POFUT2: variants seen among roughly 807,000 people sequenced by gnomAD.
POFUT2 encodes protein O-fucosyltransferase 2, also known as GDP-fucose protein O-fucosyltransferase 2.
POFUT2 carries 30 observed loss-of-function variants against 55.0 expected under a neutral mutation model. That is an observed-to-expected ratio of 0.55 (90% confidence interval 0.41 to 0.74). POFUT2 has a LOEUF of 0.74. POFUT2 is among the 30% of genes least tolerant of loss of function. POFUT2 has a pLI of 0.00. For missense variants in POFUT2, 524 were observed against 562.6 expected (o/e 0.93, Z 0.69); for synonymous variants, 267 against 231.1 (o/e 1.16, Z -1.41).
At chr21:45,269,075 G>A (rs1267482862) in intron 7 of POFUT2, among the ~76,000 whole-genome samples, 1 of 138,046 alleles carries the variant, frequency 7.2e-6, no homozygotes, top group Admixed American at 6.8e-5. Flanking sequence ...CGCCCCGTCC[G>A]GGAGGTGAGG....
At chr21:45,279,368 C>A (rs1178509856) in intron 4 of POFUT2, among the ~76,000 whole-genome samples, 1 of 152,052 alleles carries the variant, frequency 6.6e-6, no homozygotes, top group Non-Finnish European at 1.5e-5. Flanking sequence ...GCACTCCAGC[C>A]TGGGCAACAG....
rs780104653 is a variant in POFUT2 at position 45,277,013 on chromosome 21, C to T, written c.831+4G>A. The T allele has an allele frequency of 6.2e-7, 1 of 1,613,758 alleles. No individual in the cohort carries two copies. Among genetic ancestry groups the T allele is most frequent in the Non-Finnish European group, 8.5e-7 (1 of 1,179,774 alleles). Reference sequence around the variant, plus strand: ...CTCTAATTAACAAAAGGGAGGGGGGCTACCTTCATCTTCATCCAGTCCTCC... The same window carrying T: ...CTCTAATTAACAAAAGGGAGGGGGGTTACCTTCATCTTCATCCAGTCCTCC... On this transcript the variant is annotated splice_donor_region_variant and intron_variant, in intron 6 of 8. Coordinates refer to ENST00000349485, the MANE Select transcript of POFUT2 (RefSeq NM_133635.6). The surrounding 1 kb of genome is among the most constrained non-coding windows in gnomAD (Gnocchi z 6.9).
rs967203570 is a variant in POFUT2 at position 45,267,253 on chromosome 21, G to A, written c.1136+337C>T. 1.3e-5 allele frequency: 19 copies of A among 1,433,308 alleles called. No individual in the cohort carries two copies. Among genetic ancestry groups the A allele is most frequent in the African/African-American group, 5.7e-5 (4 of 69,662 alleles). The allele number at this position is 1,433,308 out of a possible 1,614,324, so 88.8% of individuals were successfully genotyped here. On this transcript the variant is annotated intron_variant, in intron 8 of 8. Transcript: ENST00000349485. The surrounding 1 kb of genome is among the most constrained non-coding windows in gnomAD (Gnocchi z 4.4). ...AAGGACATGCCCAAGTCCAGGGCAC[G>A]GGCAACTCTCAGGGCAGGGGGCAGA... is the stretch of plus-strand genomic sequence containing the variant.
At chr21:45,287,658 C>CA in intron 1 of POFUT2, 83 bp downstream of exon 1, 2 of 1,092,604 alleles carry the variant, frequency 1.8e-6, no homozygotes, top group Non-Finnish European at 2.3e-6. Context: ...TCCCTGGCCC[C>CA]TGACCCCGCC....
At chr21:45,266,401 C>T (rs528557944) in intron 8 of POFUT2, 82 of 1,204,888 alleles carry the variant, frequency 6.8e-5, no homozygotes, top group Admixed American at 9.9e-5. Flanking sequence ...GAGCAGGCCG[C>T]GCCGGCCCGG....
rs1047987140 is a variant in POFUT2 at position 45,283,463 on chromosome 21, T to C, written c.447A>G (p.Glu149=). The C allele has an allele frequency of 6.2e-7, 1 of 1,613,802 alleles. No homozygotes were observed. The highest frequency in any genetic ancestry group is 1.3e-5 in the African/African-American group (1 of 74,880). ...CGTCCACCTTCTCTTCCCAGGTCCC[T>C]TCTTTCCACCCCTCTGCGTAACTTT... is the stretch of plus-strand genomic sequence containing the variant. ...VLQSYAEGWK[E]GTWEEKVDER... Residue 149 remains glutamate (E), a synonymous_variant, in exon 3 of 9, where the codon GAA becomes GAG. Transcript: ENST00000349485.
rs1237422646 is a variant in POFUT2, at chr21:45,277,163, C to A, written c.706-21G>T. ...CGGGTCTGTGGAAACGGCGACGGCT[C>A]GGCTGAGAACACGCCCGCCCGCCAC... On this transcript the variant is annotated intron_variant, in intron 5 of 8. Coordinates refer to ENST00000349485, the MANE Select transcript of POFUT2 (RefSeq NM_133635.6). The surrounding 1 kb of genome is among the most constrained non-coding windows in gnomAD (Gnocchi z 6.9). The A allele has an allele frequency of 6.2e-7, 1 of 1,608,522 alleles. No homozygotes were observed. The highest frequency in any genetic ancestry group is 1.7e-5 in the Admixed American group (1 of 59,906).
Position 45,269,829 on chromosome 21 carries a change from A to G in POFUT2, c.1012+10T>C, listed in dbSNP as rs552672044. On this transcript the variant is annotated intron_variant, in intron 7 of 8. Transcript: ENST00000349485. The stretch of plus-strand genomic sequence containing the variant: ...GAAAGGAAAGAAACGAAAGCATTGA[A>G]GCTCCATACCCTTTCTGACGGCATC... 4 of 1,589,336 alleles carry G rather than the reference A, an allele frequency of 2.5e-6. No individual in the cohort carries two copies. The highest frequency in any genetic ancestry group is 1.2e-5 in the South Asian group (1 of 85,612).
intron 2 of POFUT2, 109 bp from the exon 3 acceptor site, chr21:45,283,636 C>A (rs1192340070): frequency 6.2e-6 from 7 of 1,134,102 alleles, no homozygotes; most frequent in Non-Finnish European, 9.1e-6. Flanking sequence ...CCACCCTATT[C>A]CCAAAGGGAG....
rs113792475 is a variant in POFUT2, at chr21:45,284,158, C to T, written c.383-631G>A. 0.02 allele frequency among the ~76,000 whole-genome samples: 3,060 copies of T among 151,676 alleles called. 78 individuals carry two copies. The highest frequency in any genetic ancestry group is 0.07 in the African/African-American group (2,885 of 41,322). ...GTGAAGTTCTGGGGCAGGAACAAAG[C>T]GGGAGGGAGCACCGCGCAGGTGAAA... On this transcript the variant is annotated intron_variant, in intron 2 of 8. Coordinates refer to ENST00000349485, the MANE Select transcript of POFUT2 (RefSeq NM_133635.6). The surrounding 1 kb of genome is among the most constrained non-coding windows in gnomAD (Gnocchi z 5.8).
rs922938447 is a variant in POFUT2, at chr21:45,285,728, G to C, written c.332C>G (p.Pro111Arg). The change falls in exon 2 of 9, where the codon CCA (proline) becomes CGA (arginine). Residue 111 changes from proline (P) to arginine (R), a missense_variant. By Grantham distance (103) the Pro-to-Arg change is moderately radical (BLOSUM62 -2). Transcript: ENST00000349485. The surrounding 1 kb of genome is among the most constrained non-coding windows in gnomAD (Gnocchi z 4.9). ...RIPWSEFFDL[P>R]SLNKNIPVIE... is the part of the protein sequence containing the mutation. ...GACGGGGATGTTTTTATTGAGACTTGGAAGATCAAAAAACTCAGACCAGGG... is the reference window on the plus strand; with the variant it reads ...GACGGGGATGTTTTTATTGAGACTTCGAAGATCAAAAAACTCAGACCAGGG... 2.9e-5 allele frequency: 46 copies of C among 1,613,672 alleles called. No homozygotes were observed. The highest frequency in any genetic ancestry group is 3.9e-5 in the Non-Finnish European group (46 of 1,179,974).
At chr21:45,280,405 G>A (rs973047395) in intron 4 of POFUT2, among the ~76,000 whole-genome samples, 1 of 152,188 alleles carries the variant, frequency 6.6e-6, no homozygotes, top group Non-Finnish European at 1.5e-5. Flanking sequence ...GCTGAGGGGT[G>A]CACGTGTTTT....
rs1406211808 is a variant in POFUT2, at chr21:45,282,373, A to G, written c.614T>C (p.Leu205Pro). The change falls in exon 4 of 9, where the codon CTG becomes CCG. Residue 205 changes from leucine (L) to proline (P), a missense_variant. This residue lies in a region of POFUT2 where 250 missense variants were observed against 318.2 expected (regional missense o/e 0.79). Transcript: ENST00000349485. The surrounding 1 kb of genome is among the most constrained non-coding windows in gnomAD (Gnocchi z 4.6). ...VQGSASIVAP[L>P]LLRNTSARSV... ...CCGGGCTGATGTGTTTCTCAGCAGC[A>G]GGGGCGCCACGATGGAGGCTGAGCC... 1 of 1,612,970 alleles carries G rather than the reference A, an allele frequency of 6.2e-7. No individual in the cohort carries two copies. The highest frequency in any genetic ancestry group is 1.7e-5 in the Admixed American group (1 of 60,020).
Position 45,281,139 on chromosome 21 carries a change from T to C in POFUT2, c.638+1210A>G, listed in dbSNP as rs2030588262. On this transcript the variant is annotated intron_variant, in intron 4 of 8. Coordinates refer to ENST00000349485, the MANE Select transcript of POFUT2 (RefSeq NM_133635.6). This position sits in a 1 kb window ranked among gnomAD's most constrained non-coding sequence, Gnocchi z 5.0. ...ATGACCTCACCGCCCATCATCAGCC[T>C]CCTTTTCCACTGCGCCTTTTCCCCC... Among the ~76,000 whole-genome samples the C allele has an allele frequency of 1.3e-5, 2 of 152,044 alleles. No individual in the cohort carries two copies. Among genetic ancestry groups the C allele is most frequent in the African/African-American group, 4.8e-5 (2 of 41,400 alleles).
Position 45,282,287 on chromosome 21 carries a change from C to T in POFUT2, c.638+62G>A, listed in dbSNP as rs1444696725. 1.9e-6 allele frequency: 2 copies of T among 1,076,336 alleles called. No homozygotes were observed. The highest frequency in any genetic ancestry group is 2.4e-5 in the East Asian group (1 of 42,336). 66.7% of individuals were successfully genotyped at this position (1,076,336 alleles called of 1,614,324 possible). A position where few individuals can be genotyped will look rare whatever the true frequency, so the allele number is the denominator to read the frequency against. On this transcript the variant is annotated intron_variant, in intron 4 of 8. Coordinates refer to ENST00000349485, the MANE Select transcript of POFUT2 (RefSeq NM_133635.6). The surrounding 1 kb of genome is among the most constrained non-coding windows in gnomAD (Gnocchi z 4.6). The stretch of plus-strand genomic sequence containing the variant: ...GAGTATGGGCGGAGAGCCCCCAGCC[C>T]AGCATGCACGGAGCAGACGCCACAG...
Position 45,265,324 on chromosome 21 carries a change from A to G in POFUT2, c.*158T>C. The G allele has an allele frequency of 3.8e-6, 2 of 533,300 alleles. No individual in the cohort carries two copies. Among genetic ancestry groups the G allele is most frequent in the Non-Finnish European group, 6.3e-6 (2 of 318,392 alleles). 33.0% of individuals were successfully genotyped at this position (533,300 alleles called of 1,614,324 possible). A position where few individuals can be genotyped will look rare whatever the true frequency, so the allele number is the denominator to read the frequency against. ...GCTGGCAACGCCGAGGACGGAGCCC[A>G]GCTCTAGAGGCGTGGGGCCTCTTCT... On this transcript the variant is annotated 3_prime_UTR_variant, in exon 9 of 9. Transcript: ENST00000349485. The surrounding 1 kb of genome is among the most constrained non-coding windows in gnomAD (Gnocchi z 4.6).
In POFUT2 at chr21:45,267,735, C is replaced by T. The variant is rs200304480; in HGVS notation, c.1013-22G>A. The T allele has an allele frequency of 1.2e-6, 2 of 1,608,056 alleles. No homozygotes were observed. Among genetic ancestry groups the T allele is most frequent in the Non-Finnish European group, 1.7e-6 (2 of 1,175,330 alleles). On this transcript the variant is annotated intron_variant, in intron 7 of 8. Transcript: ENST00000349485. The surrounding 1 kb of genome is among the most constrained non-coding windows in gnomAD (Gnocchi z 4.4). ...TATTCTGCAAAGTAGAAGGAGAGACCCTTTGAACCGGGATCCTCCAGTAAG... is the reference window on the plus strand; with the variant it reads ...TATTCTGCAAAGTAGAAGGAGAGACTCTTTGAACCGGGATCCTCCAGTAAG...
rs534145428 is a variant in POFUT2, at chr21:45,267,370, T to C, written c.1136+220A>G. 39 of 1,574,406 alleles carry C rather than the reference T, an allele frequency of 2.5e-5. No individual in the cohort carries two copies. Among genetic ancestry groups the C allele is most frequent in the Non-Finnish European group, 2.8e-5 (32 of 1,159,526 alleles). On this transcript the variant is annotated intron_variant, in intron 8 of 8. Transcript: ENST00000349485. This position sits in a 1 kb window ranked among gnomAD's most constrained non-coding sequence, Gnocchi z 4.4. The stretch of plus-strand genomic sequence containing the variant: ...ATGCCAACAGCCTGCTATGGAGGAA[T>C]TCTGTGCATGAGAACTAAAGGGGCA...
chr21:45,283,765 C>T (rs1336846373), intron 2 of POFUT2, among the ~76,000 whole-genome samples: 1 of 152,156 alleles, frequency 6.6e-6, no homozygotes, highest in African/African-American at 2.4e-5. Context: ...ATTCCCCGGC[C>T]CTACCCCTGC....
Sources: allele counts gnomAD v4.1 joint callset (sites outside exome capture counted in the v4.1 genomes callset), GRCh38; gene constraint gnomAD v4.1.1; regional missense constraint gnomAD v4.1.1; non-coding constraint Gnocchi (gnomAD v3.1); transcripts MANE v1.5; gene names NCBI Gene and HGNC (gene_info 2026-07-23, HGNC 2026-07-21).